RAB27B: variants seen among roughly 807,000 people sequenced by gnomAD.
The protein encoded by RAB27B is ras-related protein Rab-27B.
RAB27B carries 15 observed loss-of-function variants against 24.6 expected under a neutral mutation model. The ratio of observed to expected loss-of-function variants is 0.61; its 90% confidence interval spans 0.41 to 0.94. RAB27B has a LOEUF of 0.94. RAB27B is among the 40% of genes least tolerant of loss of function. The pLI is 0.00. For synonymous variants in RAB27B, 105 were observed against 92.5 expected (o/e 1.14, Z -0.78); for missense variants, 261 against 266.8 (o/e 0.98, Z 0.15).
intron 2 of RAB27B, among the ~76,000 whole-genome samples, chr18:54,767,191 AC>A (rs767495643): frequency 1.5e-4 from 23 of 152,124 alleles, no homozygotes; most frequent in Non-Finnish European, 2.9e-4. Flanking sequence ...ACACCCAAAT[AC>A]TTTCTCCATT....
At chr18:54,734,061 G>A (rs1363732014) in intron 2 of RAB27B, among the ~76,000 whole-genome samples, 1 of 152,098 alleles carries the variant, frequency 6.6e-6, no homozygotes, top group Non-Finnish European at 1.5e-5. Context: ...GAAAGATAGT[G>A]GTTCCCTATA....
At chr18:54,785,556 A>G (rs1302881186) in intron 2 of RAB27B, among the ~76,000 whole-genome samples, 2 of 146,680 alleles carry the variant, frequency 1.4e-5, no homozygotes, top group Admixed American at 7.1e-5. Flanking sequence ...TATTTCCCTC[A>G]GTAACAACAC....
At chr18:54,875,232 G>A (rs964511821) in intron 1 of RAB27B, among the ~76,000 whole-genome samples, 4 of 152,144 alleles carry the variant, frequency 2.6e-5, no homozygotes, top group African/African-American at 9.7e-5. Flanking sequence ...AGGCTGAGTT[G>A]GGAGGATCAC....
intron 2 of RAB27B, among the ~76,000 whole-genome samples, chr18:54,753,471 A>G (rs1026083182): frequency 2.6e-5 from 4 of 152,212 alleles, no homozygotes; most frequent in Admixed American, 2.6e-4. Context: ...GTAAAATCAG[A>G]TAATACATCT....
At chr18:54,740,803 C>T (rs1250813969) in intron 2 of RAB27B, among the ~76,000 whole-genome samples, 1 of 151,982 alleles carries the variant, frequency 6.6e-6, no homozygotes, top group Non-Finnish European at 1.5e-5. Flanking sequence ...GATAGATAGA[C>T]ATAGACAGAT....
At chr18:54,782,254 A>G (rs4801066) in intron 2 of RAB27B, among the ~76,000 whole-genome samples, 152,155 of 152,346 alleles carry the variant, frequency 1, 75,982 homozygotes, top group Non-Finnish European at 1. Context: ...AACCTGATAT[A>G]TCATTTTCGT....
At chr18:54,824,949 G>T (rs115149864), upstream of RAB27B, among the ~76,000 whole-genome samples, 1 of 151,880 alleles carries the variant, frequency 6.6e-6, no homozygotes, top group Admixed American at 6.6e-5. Flanking sequence ...GCATTTTTGG[G>T]GTTTCATCTC....
intron 2 of RAB27B, among the ~76,000 whole-genome samples, chr18:54,752,956 T>A (rs1363833333): frequency 2.6e-5 from 4 of 151,992 alleles, no homozygotes; most frequent in African/African-American, 9.7e-5. Context: ...GGAAGTGATA[T>A]AGAGGAGGAA....
intron 1 of RAB27B, among the ~76,000 whole-genome samples, chr18:54,843,335 A>G (rs986011493): frequency 1.4e-5 from 2 of 140,450 alleles, no homozygotes; most frequent in Non-Finnish European, 3.1e-5. Context: ...TAACATACCT[A>G]TAAGTTTAGA....
At chr18:54,760,158 G>A (rs992421218) in intron 2 of RAB27B, among the ~76,000 whole-genome samples, 6 of 152,068 alleles carry the variant, frequency 3.9e-5, no homozygotes, top group African/African-American at 7.2e-5. Context: ...TACTCCTGCC[G>A]GTGACCAGAA....
At chr18:54,751,138 C>A (rs1222832883) in intron 2 of RAB27B, among the ~76,000 whole-genome samples, 1 of 152,074 alleles carries the variant, frequency 6.6e-6, no homozygotes, top group Admixed American at 6.6e-5. Flanking sequence ...AGTTTTATAG[C>A]CAATTGGTTT....
rs375307568 is a variant in RAB27B, at chr18:54,773,995, AC to A, written c.-20+55856del. Among the ~76,000 whole-genome samples, 92 of 152,266 alleles carry A rather than the reference AC, an allele frequency of 6.0e-4. 1 individual carries two copies. The East Asian group carries it at 0.017, about 29-fold the overall frequency. The stretch of plus-strand genomic sequence containing the variant: ...GCCCGGCTGAGACAATCTACTTTCT[AC>A]CACCAGAATAGGTTAGTTAATTTAA... On this transcript the variant is annotated intron_variant, in intron 2 of 4. Coordinates refer to the RAB27B transcript ENST00000586570.
intron 2 of RAB27B, among the ~76,000 whole-genome samples, chr18:54,769,082 C>T (rs1433484504): frequency 1.3e-5 from 2 of 152,284 alleles, no homozygotes; most frequent in South Asian, 2.1e-4. Flanking sequence ...CAAAAGTCCA[C>T]AGTCCATAGT....
At chr18:54,813,103 T>C (rs1455486537) in intron 2 of RAB27B, among the ~76,000 whole-genome samples, 1 of 152,210 alleles carries the variant, frequency 6.6e-6, no homozygotes, top group African/African-American at 2.4e-5. Flanking sequence ...TCTGTGGTTC[T>C]TGTCTACTGC....
upstream of RAB27B, among the ~76,000 whole-genome samples, chr18:54,823,671 A>T (rs368049597): frequency 2.0e-4 from 31 of 152,304 alleles, no homozygotes; most frequent in East Asian, 5.8e-3. Context: ...TGAATAAATC[A>T]TTGTGCAAAC....
upstream of RAB27B, among the ~76,000 whole-genome samples, chr18:54,825,737 G>A (rs986355351): frequency 1.3e-5 from 2 of 152,192 alleles, no homozygotes; most frequent in African/African-American, 2.4e-5. Context: ...CCTGGAAGCT[G>A]GATTGAGCAG....
intron 2 of RAB27B, among the ~76,000 whole-genome samples, chr18:54,735,760 G>A (rs1233323805): frequency 6.6e-6 from 1 of 152,136 alleles, no homozygotes; most frequent in East Asian, 1.9e-4. Flanking sequence ...GACCTCAGGT[G>A]ATCCACCCAC....
intron 1 of RAB27B, among the ~76,000 whole-genome samples, chr18:54,852,886 A>C (rs752076762): frequency 1.3e-5 from 2 of 152,226 alleles, no homozygotes; most frequent in Non-Finnish European, 2.9e-5. Flanking sequence ...CTCTTCCTTT[A>C]TGGATGTGTG....
intron 1 of RAB27B, among the ~76,000 whole-genome samples, chr18:54,839,115 G>A (rs1419299786): frequency 1.3e-5 from 2 of 152,060 alleles, no homozygotes; most frequent in African/African-American, 2.4e-5. Context: ...ATTTGACATG[G>A]TTATCAAGGG....
Sources: allele counts gnomAD v4.1 joint callset (sites outside exome capture counted in the v4.1 genomes callset), GRCh38; gene constraint gnomAD v4.1.1; transcripts MANE v1.5; gene names NCBI Gene and HGNC (gene_info 2026-07-23, HGNC 2026-07-21).